The following GRIP1 variants were observed in gnomAD, a reference collection of about 807,000 sequenced individuals.
GRIP1 encodes glutamate receptor interacting protein 1, also known as glutamate receptor-interacting protein 1.
A neutral mutation model predicts 129.9 loss-of-function variants in GRIP1; 45 were observed. The observed-to-expected ratio is 0.35, with a 90% CI of 0.27 to 0.44. GRIP1 has a LOEUF of 0.44. Among genes scored for constraint, GRIP1 ranks in the 20% least tolerant of loss-of-function variants. The probability of loss-of-function intolerance (pLI) is 1.00; values close to 1 mark genes in which losing one functional copy is unlikely to be tolerated. For synonymous variants in GRIP1, 530 were observed against 520.8 expected, an observed-to-expected ratio of 1.02 and a Z score of -0.24; for missense variants, 1,196 against 1,396.8, an observed-to-expected ratio of 0.86 and a Z score of 2.29.
At chr12:67,039,993 T>A (rs779332692) in intron 1 of GRIP1, among the ~76,000 whole-genome samples, 1 of 152,182 alleles carries the variant, frequency 6.6e-6, no homozygotes, top group Non-Finnish European at 1.5e-5. Context: ...TATTTCTAAC[T>A]ACTCTTAAGC....
intron 1 of GRIP1, among the ~76,000 whole-genome samples, chr12:66,801,695 A>G (rs1294087760): frequency 6.6e-6 from 1 of 152,086 alleles, no homozygotes; most frequent in Non-Finnish European, 1.5e-5. Context: ...TTACACATAC[A>G]AAGTTCTTGT....
At chr12:66,526,250 G>T (rs1244587816) in intron 5 of GRIP1, among the ~76,000 whole-genome samples, 1 of 150,910 alleles carries the variant, frequency 6.6e-6, no homozygotes. Context: ...AACAAAGCTG[G>T]AGGCATCAAG....
intron 1 of GRIP1, among the ~76,000 whole-genome samples, chr12:66,606,991 T>C (rs926552956): frequency 1.4e-5 from 2 of 138,862 alleles, no homozygotes; most frequent in African/African-American, 5.8e-5. Context: ...CATCCTTACT[T>C]GGAGAGAGAG....
intron 1 of GRIP1, among the ~76,000 whole-genome samples, chr12:66,886,513 C>T (rs1346466896): frequency 6.6e-6 from 1 of 152,050 alleles, no homozygotes; most frequent in Admixed American, 6.5e-5. Context: ...TTTTTGAAAG[C>T]AAATCTAACT....
At chr12:66,798,452 T>C (rs576324674) in intron 1 of GRIP1, among the ~76,000 whole-genome samples, 2 of 152,206 alleles carry the variant, frequency 1.3e-5, no homozygotes, top group Non-Finnish European at 2.9e-5. Flanking sequence ...ACTTAACATA[T>C]AACTTACAAT....
intron 1 of GRIP1, among the ~76,000 whole-genome samples, chr12:66,962,740 T>C (rs1307393449): frequency 1.3e-5 from 2 of 152,122 alleles, no homozygotes; most frequent in African/African-American, 4.8e-5. Context: ...AAACAACAAA[T>C]AAGACTTAGT....
At chr12:66,475,809 T>A (rs2059588933) in intron 7 of GRIP1, among the ~76,000 whole-genome samples, 2 of 152,158 alleles carry the variant, frequency 1.3e-5, no homozygotes, top group Non-Finnish European at 2.9e-5. Flanking sequence ...TACCAGAATC[T>A]CTGGGATGCA....
chr12:66,381,679 T>A lies in GRIP1; in HGVS notation c.2465-2243A>T, dbSNP rs12370741. Among the ~76,000 whole-genome samples the A allele has an allele frequency of 7.6e-3, 1,151 of 152,334 alleles. 10 individuals are homozygous for A. The highest frequency in any genetic ancestry group is 0.013 in the Non-Finnish European group (875 of 68,018). The stretch of plus-strand genomic sequence containing the variant: ...CAACTGTTGTATGTATAATAAGTAG[T>A]TCTTGGAGACTTAGGCAAGAGTGCA... On this transcript the variant is annotated intron_variant, in intron 19 of 24. Transcript: ENST00000359742.
intron 1 of GRIP1, among the ~76,000 whole-genome samples, chr12:66,872,969 GTTGGAAT>G (rs2040321330): frequency 6.6e-6 from 1 of 152,060 alleles, no homozygotes; most frequent in African/African-American, 2.4e-5. Flanking sequence ...TTATGGCTGA[GTTGGAAT>G]TATCTGGCAA....
At chr12:66,386,068 T>C (rs2056344260) in intron 19 of GRIP1, among the ~76,000 whole-genome samples, 1 of 152,206 alleles carries the variant, frequency 6.6e-6, no homozygotes, top group African/African-American at 2.4e-5. Context: ...ATTTGCATAA[T>C]GGAAAACAGG....
intron 2 of GRIP1, among the ~76,000 whole-genome samples, chr12:66,579,010 C>G (rs180673832): frequency 6.6e-6 from 1 of 152,176 alleles, no homozygotes; most frequent in Admixed American, 6.5e-5. Context: ...AGGCACCCCC[C>G]AGTAGGGGCA....
At chr12:66,985,484 T>A (rs1041505393) in intron 1 of GRIP1, among the ~76,000 whole-genome samples, 5 of 152,134 alleles carry the variant, frequency 3.3e-5, no homozygotes, top group Non-Finnish European at 5.9e-5. Context: ...AAAATAAAAT[T>A]TTTACTGTTT....
In GRIP1 at chr12:66,445,489, T is replaced by G; in HGVS notation, c.1374A>C (p.Thr458=). The change falls in exon 12 of 25, where the codon ACA becomes ACC. Residue 458 remains threonine, a synonymous_variant. Coordinates refer to ENST00000359742, the MANE Select transcript of GRIP1 (RefSeq NM_001366722.1). The part of the protein sequence containing the change: ...FKSSLSLASS[T]VGLAGQVVHT... ...GAACAACCTGCCCAGCCAATCCTAC[T>G]GTGCTGGAGGCTAAGGACACTAGAG... 1 of 1,613,510 alleles carries G rather than the reference T, an allele frequency of 6.2e-7. No homozygotes were observed. The highest frequency in any genetic ancestry group is 8.5e-7 in the Non-Finnish European group (1 of 1,179,646).
At chr12:66,425,704 C>G (rs1178184345) in intron 14 of GRIP1, among the ~76,000 whole-genome samples, 1 of 152,032 alleles carries the variant, frequency 6.6e-6, no homozygotes, top group African/African-American at 2.4e-5. Flanking sequence ...CCATCATTCT[C>G]AGCAAACTAT....
At chr12:66,562,248 T>C (rs2062560444) in intron 2 of GRIP1, among the ~76,000 whole-genome samples, 1 of 152,144 alleles carries the variant, frequency 6.6e-6, no homozygotes, top group South Asian at 2.1e-4. Flanking sequence ...AATAAATCAG[T>C]CAAGGTGCTC....
chr12:66,989,328 G>C lies in GRIP1; in HGVS notation c.58+79722C>G, dbSNP rs375849263. On this transcript the variant is annotated intron_variant, in intron 1 of 1. Coordinates refer to the GRIP1 transcript ENST00000643019. ...GGTAGCCAATTGCAGCACAGCATGG[G>C]AAGTTTTTACTGAATGAATGTGGTG... Among the ~76,000 whole-genome samples, 7 of 152,340 alleles carry C rather than the reference G, an allele frequency of 4.6e-5. No homozygotes were observed. In the East Asian group the frequency reaches 1.4e-3, roughly 29 times the overall value.
chr12:66,525,617 G>C (rs1466065141), intron 5 of GRIP1, among the ~76,000 whole-genome samples: 2 of 151,440 alleles, frequency 1.3e-5, no homozygotes, highest in African/African-American at 4.9e-5. Flanking sequence ...CTGAAAACTG[G>C]CACAAGACAG....
chr12:66,733,124 C>T (rs1457688742), intron 1 of GRIP1, among the ~76,000 whole-genome samples: 2 of 152,054 alleles, frequency 1.3e-5, no homozygotes, highest in Admixed American at 1.3e-4. Context: ...GAGAAGCATC[C>T]TTGTAGCCAC....
At chr12:66,899,410 C>G (rs1246168207) in intron 1 of GRIP1, among the ~76,000 whole-genome samples, 2 of 152,006 alleles carry the variant, frequency 1.3e-5, no homozygotes, top group Admixed American at 1.3e-4. Flanking sequence ...GTCACCCAGG[C>G]AGGAATGCAG....
Sources: allele counts gnomAD v4.1 joint callset (sites outside exome capture counted in the v4.1 genomes callset), GRCh38; gene constraint gnomAD v4.1.1; transcripts MANE v1.5; gene names NCBI Gene and HGNC (gene_info 2026-07-23, HGNC 2026-07-21).